The following MID1 variants were observed in gnomAD, a reference collection of about 807,000 sequenced individuals.
MID1 encodes the protein E3 ubiquitin-protein ligase Midline-1.
Under a neutral mutation model 40.4 loss-of-function variants are expected in MID1, and 7 were observed. The observed-to-expected ratio is 0.17, with a 90% CI of 0.10 to 0.33. The LOEUF is 0.33. MID1 is among the 10% of genes least tolerant of loss of function. The pLI, the probability that MID1 is intolerant of heterozygous loss-of-function variation, is 1.00. For synonymous variants in MID1, 229 were observed against 221.2 expected (o/e 1.04, Z -0.31); for missense variants, 367 against 558.5 (o/e 0.66, Z 3.46).
chrX:10,747,068 T>G (rs1239125262), intron 1 of MID1, among the ~76,000 whole-genome samples: 1 of 110,881 alleles, frequency 9.0e-6, no homozygotes, highest in African/African-American at 3.3e-5. Flanking sequence ...GCCAACGCTG[T>G]TGATACCCAG....
In MID1 at chrX:10,468,194, G is replaced by A. The variant is rs142276235; in HGVS notation, c.1285+1503C>T. 8.6e-3 allele frequency among the ~76,000 whole-genome samples: 961 copies of A among 111,827 alleles called. 11 individuals are homozygous for A. Among genetic ancestry groups the A allele is most frequent in the African/African-American group, 0.026 (788 of 30,772 alleles). ...GCAAGATTTTAATAAAAGCTTCCACGGCAGGCCAATTATAGGGTAGAAGGT... is the reference window on the plus strand; with the variant it reads ...GCAAGATTTTAATAAAAGCTTCCACAGCAGGCCAATTATAGGGTAGAAGGT... On this transcript the variant is annotated intron_variant, in intron 7 of 9. Transcript: ENST00000317552.
intron 4 of MID1, among the ~76,000 whole-genome samples, chrX:10,490,607 TA>T (rs1029865411): frequency 5.4e-5 from 6 of 112,106 alleles, no homozygotes; most frequent in African/African-American, 9.7e-5. Flanking sequence ...TTTCTCATAT[TA>T]AAAAAAATTT....
At chrX:10,519,430 C>T in intron 3 of MID1, among the ~76,000 whole-genome samples, 1 of 111,623 alleles carries the variant, frequency 9.0e-6, no homozygotes, top group Non-Finnish European at 1.9e-5. Flanking sequence ...TGTTCCCTGG[C>T]AAGAGGCTTG....
chrX:10,610,572 G>C (rs957333726), intron 1 of MID1, among the ~76,000 whole-genome samples: 1 of 111,380 alleles, frequency 9.0e-6, no homozygotes, highest in East Asian at 2.8e-4. Flanking sequence ...GTATGTGAAA[G>C]GCCACTATTT....
Position 10,483,324 on chromosome X carries a change from C to A in MID1, c.865-696G>T, listed in dbSNP as rs763765923. Among the ~76,000 whole-genome samples the A allele has an allele frequency of 5.4e-5, 6 of 112,057 alleles. No homozygotes were observed. In the East Asian group the frequency reaches 1.7e-3, roughly 31 times the overall value. On this transcript the variant is annotated intron_variant, in intron 4 of 9. Transcript: ENST00000317552. ...GATAACTAGGAACTATTTTGATAAG[C>A]ATTTCCCAGTTGGGATAAAAACGCA...
At chrX:10,742,916 A>T (rs1381101593) in intron 1 of MID1, among the ~76,000 whole-genome samples, 2 of 112,848 alleles carry the variant, frequency 1.8e-5, no homozygotes, top group African/African-American at 6.4e-5. Context: ...GTTCTTTCAG[A>T]CTACATTCAG....
At chrX:10,642,630 C>A (rs1282927839) in intron 1 of MID1, among the ~76,000 whole-genome samples, 2 of 110,592 alleles carry the variant, frequency 1.8e-5, no homozygotes, top group Admixed American at 9.6e-5. Flanking sequence ...ATCAAGCTAT[C>A]AATGACTTTC....
At chrX:10,517,569 T>A (rs1780207784) in intron 3 of MID1, among the ~76,000 whole-genome samples, 1 of 112,654 alleles carries the variant, frequency 8.9e-6, no homozygotes, top group African/African-American at 3.2e-5. Context: ...TCACTAAACC[T>A]TCAAAACCAA....
chrX:10,729,106 G>C (rs772802117), intron 1 of MID1, among the ~76,000 whole-genome samples: 1 of 111,738 alleles, frequency 8.9e-6, no homozygotes, highest in Non-Finnish European at 1.9e-5. Flanking sequence ...CCTAATGAAT[G>C]GGTGGCACAG....
intron 1 of MID1, among the ~76,000 whole-genome samples, chrX:10,641,968 A>C (rs1219676927): frequency 1.8e-5 from 2 of 111,721 alleles, no homozygotes; most frequent in African/African-American, 3.3e-5. Context: ...ATTCAACAAC[A>C]CTTCATGCTA....
intron 1 of MID1, among the ~76,000 whole-genome samples, chrX:10,756,307 CA>C (rs2043632597): frequency 1.8e-5 from 2 of 112,522 alleles, no homozygotes; most frequent in South Asian, 7.3e-4. Context: ...TAATCATACA[CA>C]AGCGAGCAAT....
chrX:10,733,589 A>G (rs771370843), intron 1 of MID1, among the ~76,000 whole-genome samples: 10 of 111,891 alleles, frequency 8.9e-5, no homozygotes, highest in Admixed American at 3.8e-4. Flanking sequence ...TATCTGACAC[A>G]GGGCTTGGAT....
At chrX:10,652,125 T>A (rs1936322596) in intron 1 of MID1, among the ~76,000 whole-genome samples, 1 of 112,159 alleles carries the variant, frequency 8.9e-6, no homozygotes, top group African/African-American at 3.2e-5. Flanking sequence ...TTCTTCCTTT[T>A]TGCACTTAGT....
chrX:10,566,093 A>G (rs113639716), intron 2 of MID1, among the ~76,000 whole-genome samples: 3 of 111,568 alleles, frequency 2.7e-5, no homozygotes, highest in South Asian at 3.8e-4. Flanking sequence ...TACAGGCATG[A>G]GCCACCACGC....
chrX:10,455,308 TAGAG>T (rs760529920), intron 8 of MID1, among the ~76,000 whole-genome samples: 3 of 111,756 alleles, frequency 2.7e-5, no homozygotes, highest in South Asian at 3.8e-4. Flanking sequence ...CAAAAGACAA[TAGAG>T]AGCAGCAACT....
chrX:10,510,830 C>CAAAAAAAAAAA (rs1185825614), intron 3 of MID1, among the ~76,000 whole-genome samples: 9 of 23,946 alleles, frequency 3.8e-4, no homozygotes, highest in Admixed American at 6.5e-4. Flanking sequence ...GACTCTGTCT[C>CAAAAAAAAAAA]AAAAAAAAAA....
chrX:10,613,732 T>TATATATAGAGAGAGAG (rs1482081086), intron 1 of MID1, among the ~76,000 whole-genome samples: 3 of 17,480 alleles, frequency 1.7e-4, no homozygotes, highest in Non-Finnish European at 2.2e-4. Flanking sequence ...TATATATATA[T>TATATATAGAGAGAGAG]AGAGAGAGAG....
chrX:10,773,648 T>C (rs181269855), intron 1 of MID1, among the ~76,000 whole-genome samples: 81 of 112,559 alleles, frequency 7.2e-4, no homozygotes, highest in African/African-American at 2.6e-3. Flanking sequence ...TATCTTGTTT[T>C]GTAAATTATG....
At position 10,721,296 on chromosome X, in the gene MID1, T is replaced by C. The variant is rs62589988; in HGVS notation, c.-186-100877A>G. ...TTCCATACATATGTGTGTATGTGAA[T>C]AGATATATTTCTCTGTATGTAATCA... On this transcript the variant is annotated intron_variant, in intron 1 of 10. Transcript: ENST00000380785. 6.6e-3 allele frequency among the ~76,000 whole-genome samples: 737 copies of C among 111,328 alleles called. 3 individuals carry two copies. The highest frequency in any genetic ancestry group is 9.8e-3 in the Non-Finnish European group (519 of 53,036).
Sources: gnomAD v4.1 joint callset for allele counts (sites outside exome capture counted in the v4.1 genomes callset) on GRCh38, gnomAD v4.1.1 for gene constraint, MANE v1.5 for transcripts, NCBI Gene and HGNC (gene_info 2026-07-23, HGNC 2026-07-21) for gene names.